The following HDAC4 variants were observed in gnomAD, a reference collection of about 807,000 sequenced individuals.
HDAC4 encodes the protein histone deacetylase 4, also known as histone deacetylase A.
Under a neutral mutation model 135.1 loss-of-function variants are expected in HDAC4, and 16 were observed. The observed-to-expected ratio is 0.12, with a 90% confidence interval of 0.08 to 0.18. HDAC4 has a LOEUF of 0.18. Among genes scored for constraint, HDAC4 ranks in the 10% least tolerant of loss-of-function variants. The pLI, the probability that HDAC4 is intolerant of heterozygous loss-of-function variation, is 1.00. For synonymous variants in HDAC4, 685 were observed against 653.4 expected (o/e 1.05, Z -0.74); for missense variants, 1,143 against 1,511.8 (o/e 0.76, Z 4.05).
At chr2:239,127,898 G>C (rs956677357) in intron 11 of HDAC4, among the ~76,000 whole-genome samples, 18 of 152,224 alleles carry the variant, frequency 1.2e-4, no homozygotes, top group African/African-American at 4.1e-4. Context: ...AGGTTTAGTG[G>C]AGTCCAAGCC....
intron 2 of HDAC4, among the ~76,000 whole-genome samples, chr2:239,294,292 C>T (rs1199603031): frequency 2.6e-5 from 4 of 152,200 alleles, no homozygotes; most frequent in Non-Finnish European, 4.4e-5. Flanking sequence ...GGAAGCTGTT[C>T]GCCGTGAGGA....
At chr2:239,237,226 A>C (rs370527919) in intron 2 of HDAC4, among the ~76,000 whole-genome samples, 1 of 152,092 alleles carries the variant, frequency 6.6e-6, no homozygotes, top group East Asian at 1.9e-4. Flanking sequence ...TGTATTATGG[A>C]GCGGTTTCCA....
At chr2:239,137,241 A>C (rs911175835) in intron 9 of HDAC4, among the ~76,000 whole-genome samples, 3 of 152,232 alleles carry the variant, frequency 2.0e-5, no homozygotes, top group Admixed American at 1.3e-4. Context: ...TGCGGGAGGC[A>C]TTCTGAGGCT....
chr2:239,389,435 G>A (rs935600124), intron 1 of HDAC4, among the ~76,000 whole-genome samples: 11 of 152,118 alleles, frequency 7.2e-5, no homozygotes, highest in Admixed American at 2.0e-4. Flanking sequence ...AAGAAACCCC[G>A]GACACATCTG....
chr2:239,137,346 G>A (rs1406019854), intron 9 of HDAC4, among the ~76,000 whole-genome samples: 1 of 152,240 alleles, frequency 6.6e-6, no homozygotes, highest in Non-Finnish European at 1.5e-5. Flanking sequence ...AACAGCAGCA[G>A]CGGCCACAGA....
intron 7 of HDAC4, among the ~76,000 whole-genome samples, chr2:239,147,536 C>T (rs554859403): frequency 5.2e-5 from 8 of 152,386 alleles, no homozygotes; most frequent in South Asian, 4.1e-4. Flanking sequence ...GCCCCTTCAC[C>T]GCCCTCGCGG....
intron 2 of HDAC4, among the ~76,000 whole-genome samples, chr2:239,301,417 C>T (rs1353060658): frequency 3.9e-5 from 6 of 151,992 alleles, no homozygotes; most frequent in African/African-American, 1.5e-4. Context: ...CCAGTGATGC[C>T]AGGCGAGGCT....
chr2:239,243,531 A>G (rs945840047), intron 2 of HDAC4, among the ~76,000 whole-genome samples: 1 of 152,152 alleles, frequency 6.6e-6, no homozygotes, highest in African/African-American at 2.4e-5. Flanking sequence ...GTGACTCAAG[A>G]GTAGTATAGG....
At chr2:239,105,520 G>A (rs866008472) in intron 15 of HDAC4, among the ~76,000 whole-genome samples, 7 of 152,188 alleles carry the variant, frequency 4.6e-5, no homozygotes, top group South Asian at 2.1e-4. Flanking sequence ...TTGCTGGGCC[G>A]GCCTGCCAGT....
rs917618985 is a variant in HDAC4, at chr2:239,091,712, G to C, written c.2281-1596C>G. ...AAGGTGAGTTAAAATGCATTTTCAA[G>C]GGGCTGAAGACATTTCCTGAAGTGT... On this transcript the variant is annotated intron_variant, in intron 17 of 26. Transcript: ENST00000543185. 9.2e-5 allele frequency: 14 copies of C among 152,152 alleles called. 1 individual carries two copies. The highest frequency in any genetic ancestry group is 9.2e-4 in the Admixed American group (14 of 15,274). 9.4% of individuals were successfully genotyped at this position (152,152 alleles called of 1,614,324 possible).
At position 239,331,168 on chromosome 2, in the gene HDAC4, G is replaced by A. The variant is rs755870845; in HGVS notation, c.22+21510C>T. On this transcript the variant is annotated intron_variant, in intron 2 of 26. Coordinates refer to ENST00000543185, the MANE Select transcript of HDAC4 (RefSeq NM_001378414.1). The surrounding 1 kb of genome is among the most constrained non-coding windows in gnomAD (Gnocchi z 4.5). ...CTGATGGGCCATCGGAGCAAAGCGC[G>A]GCCAGCACTGTCGTGACATTGATGG... Among the ~76,000 whole-genome samples, 13 of 152,322 alleles carry A rather than the reference G, an allele frequency of 8.5e-5. No homozygotes were observed. The highest frequency in any genetic ancestry group is 1.4e-4 in the African/African-American group (6 of 41,570).
intron 6 of HDAC4, among the ~76,000 whole-genome samples, chr2:239,162,842 T>C (rs1275712466): frequency 1.3e-5 from 2 of 152,078 alleles, no homozygotes; most frequent in African/African-American, 2.4e-5. Context: ...GGGGATCGCG[T>C]CTGAGCTGTG....
chr2:239,134,746 T>C, intron 9 of HDAC4, 103 bp from the exon 10 acceptor site: 1 of 840,502 alleles, frequency 1.2e-6, no homozygotes, highest in Non-Finnish European at 2.1e-6. Context: ...TGAATTCTGA[T>C]ATATGAGCGT....
chr2:239,134,793 A>G lies in HDAC4; in HGVS notation c.979-150T>C, dbSNP rs2040836255. On this transcript the variant is annotated intron_variant, in intron 9 of 26. Transcript: ENST00000543185. ...TAACAAATGAGACAGCAATGAGAGC[A>G]TGAGATTTCAACACGTGCCACAACA... The G allele has an allele frequency of 1.1e-5, 8 of 710,702 alleles. No homozygotes were observed. The South Asian group carries it at 1.2e-4, about 11-fold the overall frequency. The allele number at this position is 710,702 out of a possible 1,614,324, so 44.0% of individuals were successfully genotyped here.
In HDAC4 at chr2:239,068,310, G is replaced by A. The variant is rs1194598265; in HGVS notation, c.2869+179C>T. ...GCCTGGGTCTGAGCTCCCGCTGCCT[G>A]CTCTGGGCTCTCTGGGGCCTCCCAA... is the stretch of plus-strand genomic sequence containing the variant. On this transcript the variant is annotated intron_variant, in intron 23 of 26. Transcript: ENST00000543185. This position sits in a 1 kb window ranked among gnomAD's most constrained non-coding sequence, Gnocchi z 4.4. Among the ~76,000 whole-genome samples the A allele has an allele frequency of 1.3e-5, 2 of 152,166 alleles. No homozygotes were observed. Among genetic ancestry groups the A allele is most frequent in the Non-Finnish European group, 2.9e-5 (2 of 68,000 alleles).
chr2:239,173,222 T>A (rs1361783898), intron 5 of HDAC4, among the ~76,000 whole-genome samples: 3 of 152,142 alleles, frequency 2.0e-5, no homozygotes, highest in African/African-American at 7.2e-5. Context: ...TGTTTGGCAA[T>A]CTCCCTCAGG....
At chr2:239,077,799 G>A (rs922715080) in intron 22 of HDAC4, among the ~76,000 whole-genome samples, 35 of 152,144 alleles carry the variant, frequency 2.3e-4, no homozygotes, top group African/African-American at 8.4e-4. Flanking sequence ...GTCTACAAAA[G>A]GCAGCAACAG....
chr2:239,354,917 T>TA (rs1210082935), intron 1 of HDAC4, among the ~76,000 whole-genome samples: 3 of 152,172 alleles, frequency 2.0e-5, no homozygotes, highest in African/African-American at 7.2e-5. Context: ...CAGCTGGGTA[T>TA]AAAAATCTTA....
intron 2 of HDAC4, among the ~76,000 whole-genome samples, chr2:239,286,814 G>C (rs948442624): frequency 2.6e-5 from 4 of 152,102 alleles, no homozygotes; most frequent in Non-Finnish European, 4.4e-5. Flanking sequence ...GTGATGAAAG[G>C]AGAAAAAGAA....
Sources: gnomAD v4.1 joint callset for allele counts (sites outside exome capture counted in the v4.1 genomes callset) on GRCh38, gnomAD v4.1.1 for gene constraint, Gnocchi (gnomAD v3.1) non-coding constraint, MANE v1.5 for transcripts, NCBI Gene and HGNC (gene_info 2026-07-23, HGNC 2026-07-21) for gene names.